Variants in ADARB2 observed in about 807,000 individuals in gnomAD.
The protein encoded by ADARB2 is adenosine deaminase RNA specific B2 (inactive).
ADARB2 carries 25 observed loss-of-function variants against 62.2 expected under a neutral mutation model. The observed-to-expected ratio is 0.40, with a 90% confidence interval of 0.29 to 0.56. The LOEUF (loss-of-function observed/expected upper bound fraction) is 0.56, where lower values mean the gene tolerates loss of function less well. Ranked by LOEUF, ADARB2 falls within the 20% of genes least tolerant of loss-of-function variation. ADARB2 has a pLI of 0.43. For synonymous variants in ADARB2, 572 were observed against 500.8 expected (o/e 1.14, Z -1.90); for missense variants, 1,071 against 1,077.4 (o/e 0.99, Z 0.08).
intron 9 of ADARB2, 57 bp from the exon 10 acceptor site, chr10:1,183,426 T>C: frequency 3.8e-6 from 6 of 1,584,930 alleles, no homozygotes; most frequent in Non-Finnish European, 5.2e-6. Context: ...GAGCTTCTGC[T>C]AGGTGAGTTT....
intron 1 of ADARB2, among the ~76,000 whole-genome samples, chr10:1,519,647 C>G (rs987462294): frequency 5.3e-5 from 8 of 152,162 alleles, no homozygotes; most frequent in African/African-American, 1.9e-4. Context: ...GTCCGTTTGA[C>G]TTCTCTGTTG....
rs78271538 is a variant in ADARB2 at position 1,675,194 on chromosome 10, A to T, written c.100+61857T>A. The T allele has an allele frequency of 1.7e-4, 150 of 898,844 alleles. 1 individual carries two copies. In the African/African-American group the frequency reaches 3.3e-3, roughly 20 times the overall value. The allele number at this position is 898,844 out of a possible 1,614,324, so 55.7% of individuals were successfully genotyped here. Reference sequence around the variant, plus strand: ...AGGTTTGGGTTCAGGGATGCATGGAAGTTCTGGAGGTTTGGGTTCAGGGAT... The same window carrying T: ...AGGTTTGGGTTCAGGGATGCATGGATGTTCTGGAGGTTTGGGTTCAGGGAT... On this transcript the variant is annotated intron_variant, in intron 1 of 9. Transcript: ENST00000381312.
intron 3 of ADARB2, among the ~76,000 whole-genome samples, chr10:1,336,140 A>C (rs1306264173): frequency 6.6e-6 from 1 of 152,220 alleles, no homozygotes; most frequent in Non-Finnish European, 1.5e-5. Flanking sequence ...TATTCTTCTC[A>C]CAGTGATTCT....
At chr10:1,511,203 C>A (rs1292956994) in intron 1 of ADARB2, among the ~76,000 whole-genome samples, 1 of 148,602 alleles carries the variant, frequency 6.7e-6, no homozygotes, top group African/African-American at 2.5e-5. Context: ...GTGGGCGTAT[C>A]GGGTGGATGC....
intron 1 of ADARB2, among the ~76,000 whole-genome samples, chr10:1,688,283 G>T (rs186830035): frequency 1.6e-3 from 240 of 152,340 alleles, no homozygotes; most frequent in African/African-American, 5.5e-3. Flanking sequence ...CTTGGCCAGG[G>T]CTGGGACCCC....
rs914998433 is a variant in ADARB2 at position 1,614,768 on chromosome 10, G to A, written c.100+122283C>T. 8.5e-5 allele frequency among the ~76,000 whole-genome samples: 13 copies of A among 152,234 alleles called. No homozygotes were observed. The East Asian group carries it at 1.4e-3, about 16-fold the overall frequency. ...CTACTAAAGATACAAAAAATTAGCC[G>A]GGTGTGGTGGCGGGCACCTGTAGTC... is the stretch of plus-strand genomic sequence containing the variant. On this transcript the variant is annotated intron_variant, in intron 1 of 9. Coordinates refer to ENST00000381312, the MANE Select transcript of ADARB2 (RefSeq NM_018702.4).
At chr10:1,207,830 A>G (rs1442630405) in intron 7 of ADARB2, among the ~76,000 whole-genome samples, 1 of 152,236 alleles carries the variant, frequency 6.6e-6, no homozygotes, top group South Asian at 2.1e-4. Flanking sequence ...GATTTTTTAT[A>G]TGCCGCTCAA....
At chr10:1,381,714 A>G (rs1402924435) in intron 1 of ADARB2, among the ~76,000 whole-genome samples, 1 of 152,230 alleles carries the variant, frequency 6.6e-6, no homozygotes, top group Non-Finnish European at 1.5e-5. Context: ...GGAGGACCTC[A>G]TCCTAAGTGA....
At chr10:1,223,293 T>A (rs957110698) in intron 6 of ADARB2, among the ~76,000 whole-genome samples, 1 of 152,224 alleles carries the variant, frequency 6.6e-6, no homozygotes. Context: ...CTGAAGTTGC[T>A]TATCAGCTTG....
Position 1,610,847 on chromosome 10 carries a change from C to T in ADARB2, c.100+126204G>A, listed in dbSNP as rs537928197. On this transcript the variant is annotated intron_variant, in intron 1 of 9. Coordinates refer to ENST00000381312, the MANE Select transcript of ADARB2 (RefSeq NM_018702.4). ...ACACAGACATGCACACACAAAGACTCGCAGACACACCCATACATACACATA... is the reference window on the plus strand; with the variant it reads ...ACACAGACATGCACACACAAAGACTTGCAGACACACCCATACATACACATA... 2.4e-4 allele frequency among the ~76,000 whole-genome samples: 37 copies of T among 152,154 alleles called. 1 individual carries two copies. The East Asian group carries it at 5.0e-3, about 21-fold the overall frequency.
intron 1 of ADARB2, among the ~76,000 whole-genome samples, chr10:1,435,457 T>C (rs1018419846): frequency 1.3e-5 from 2 of 148,644 alleles, no homozygotes; most frequent in Admixed American, 1.3e-4. Flanking sequence ...GAGCCTTTGC[T>C]GCCCCGGGCT....
chr10:1,266,504 T>TGG (rs1305223174), intron 4 of ADARB2, among the ~76,000 whole-genome samples: 3 of 19,814 alleles, frequency 1.5e-4, no homozygotes, highest in African/African-American at 3.8e-4. Flanking sequence ...GGCGCTGTGG[T>TGG]GGGGGGTGGG....
At chr10:1,442,948 C>A (rs1830922900) in intron 1 of ADARB2, among the ~76,000 whole-genome samples, 1 of 152,066 alleles carries the variant, frequency 6.6e-6, no homozygotes, top group African/African-American at 2.4e-5. Flanking sequence ...TGTACTTAAA[C>A]TGATAGAAGA....
chr10:1,259,387 T>TG (rs1431176447), intron 4 of ADARB2, among the ~76,000 whole-genome samples: 1 of 151,896 alleles, frequency 6.6e-6, no homozygotes, highest in African/African-American at 2.4e-5. Context: ...ATCAACAAAA[T>TG]TGATAGACCT....
chr10:1,445,394 A>G (rs146875705), intron 1 of ADARB2, among the ~76,000 whole-genome samples: 62 of 149,366 alleles, frequency 4.2e-4, no homozygotes, highest in African/African-American at 1.5e-3. Flanking sequence ...CCACCCATTC[A>G]TCATCCATCT....
At chr10:1,313,508 C>T (rs1355944234) in intron 3 of ADARB2, among the ~76,000 whole-genome samples, 1 of 152,262 alleles carries the variant, frequency 6.6e-6, no homozygotes, top group Non-Finnish European at 1.5e-5. Flanking sequence ...CAAGTGTGGG[C>T]CAATTGTAGT....
intron 1 of ADARB2, among the ~76,000 whole-genome samples, chr10:1,450,131 C>G (rs923907567): frequency 6.6e-6 from 1 of 152,106 alleles, no homozygotes; most frequent in Non-Finnish European, 1.5e-5. Context: ...TGGAGGCTCC[C>G]GTCGAGAGGG....
chr10:1,459,548 G>C (rs2131907336), intron 1 of ADARB2, among the ~76,000 whole-genome samples: 1 of 152,274 alleles, frequency 6.6e-6, no homozygotes, highest in Non-Finnish European at 1.5e-5. Flanking sequence ...TGGATCACCT[G>C]AGGTCAGGAG....
At chr10:1,484,428 A>G (rs1831517339) in intron 1 of ADARB2, among the ~76,000 whole-genome samples, 2 of 152,250 alleles carry the variant, frequency 1.3e-5, no homozygotes, top group Non-Finnish European at 2.9e-5. Context: ...CCACCGCTCA[A>G]GCTCAGAGCT....
Sources: gnomAD v4.1 joint callset for allele counts (sites outside exome capture counted in the v4.1 genomes callset) on GRCh38, gnomAD v4.1.1 for gene constraint, MANE v1.5 for transcripts, NCBI Gene and HGNC (gene_info 2026-07-23, HGNC 2026-07-21) for gene names.